The following RNF150 variants were observed in gnomAD, a reference collection of about 807,000 sequenced individuals.
The protein encoded by RNF150 is ring finger protein 150.
Under a neutral mutation model 39.3 loss-of-function variants are expected in RNF150, and 24 were observed. The ratio of observed to expected loss-of-function variants is 0.61; its 90% confidence interval spans 0.44 to 0.86. The LOEUF is 0.86. RNF150 is among the 40% of genes least tolerant of loss of function. RNF150 has a pLI of 0.00. For missense variants in RNF150, 502 were observed against 587.8 expected, an observed-to-expected ratio of 0.85 and a Z score of 1.51; for synonymous variants, 255 against 227.3, an observed-to-expected ratio of 1.12 and a Z score of -1.10.
chr4:141,054,218 G>A (rs534992423), intron 1 of RNF150, among the ~76,000 whole-genome samples: 73 of 152,012 alleles, frequency 4.8e-4, no homozygotes, highest in African/African-American at 1.6e-3. Flanking sequence ...TATAGTTATC[G>A]CTAGTACTTA....
At chr4:140,962,697 G>A (rs909194260) in intron 2 of RNF150, among the ~76,000 whole-genome samples, 1 of 151,908 alleles carries the variant, frequency 6.6e-6, no homozygotes, top group Non-Finnish European at 1.5e-5. Flanking sequence ...CATTCATTGA[G>A]TGCTGACTGA....
intron 1 of RNF150, among the ~76,000 whole-genome samples, chr4:141,198,546 G>C (rs1728241794): frequency 6.6e-6 from 1 of 152,214 alleles, no homozygotes; most frequent in South Asian, 2.1e-4. Flanking sequence ...CAAGGAGCTT[G>C]AGAAAGTTGA....
At chr4:140,873,955 C>T (rs953444437) in intron 6 of RNF150, among the ~76,000 whole-genome samples, 4 of 152,152 alleles carry the variant, frequency 2.6e-5, no homozygotes, top group Admixed American at 2.6e-4. Context: ...CATGAGCCAC[C>T]ATGCCCGGCC....
chr4:141,002,340 G>C (rs1047579748), intron 1 of RNF150, among the ~76,000 whole-genome samples: 14 of 152,038 alleles, frequency 9.2e-5, no homozygotes, highest in African/African-American at 3.4e-4. Flanking sequence ...TCCTACCAGA[G>C]TTCTATCAAC....
intron 6 of RNF150, among the ~76,000 whole-genome samples, chr4:140,887,625 C>G (rs147417479): frequency 6.6e-6 from 1 of 152,250 alleles, no homozygotes; most frequent in East Asian, 1.9e-4. Context: ...ATCCCTACTG[C>G]TTGTACAAGT....
chr4:140,880,639 GTTT>G (rs758690833), intron 6 of RNF150, among the ~76,000 whole-genome samples: 10 of 149,898 alleles, frequency 6.7e-5, no homozygotes, highest in South Asian at 2.1e-4. Flanking sequence ...CTGGTCCTGG[GTTT>G]TTTTTTGTTT....
At chr4:141,010,194 A>G (rs1363170584) in intron 1 of RNF150, among the ~76,000 whole-genome samples, 1 of 152,220 alleles carries the variant, frequency 6.6e-6, no homozygotes, top group Non-Finnish European at 1.5e-5. Flanking sequence ...ACCTGCCTTT[A>G]TTATGAAAAT....
At chr4:140,977,766 C>A (rs917327627) in intron 1 of RNF150, among the ~76,000 whole-genome samples, 1 of 152,088 alleles carries the variant, frequency 6.6e-6, no homozygotes, top group African/African-American at 2.4e-5. Context: ...TCGCCATTAG[C>A]GTTTTCATAC....
chr4:141,210,630 T>A (rs947425853), intron 1 of RNF150, among the ~76,000 whole-genome samples: 1 of 152,180 alleles, frequency 6.6e-6, no homozygotes, highest in Non-Finnish European at 1.5e-5. Flanking sequence ...ACATTGTTTT[T>A]CATTTGGCCC....
intron 1 of RNF150, among the ~76,000 whole-genome samples, chr4:141,147,994 G>A (rs993857211): frequency 1.2e-4 from 19 of 152,170 alleles, no homozygotes; most frequent in African/African-American, 4.1e-4. Flanking sequence ...ATATTGGTTG[G>A]TAACATCCTT....
chr4:141,163,143 T>C (rs564447608), intron 1 of RNF150, among the ~76,000 whole-genome samples: 150 of 152,276 alleles, frequency 9.9e-4, no homozygotes, highest in Non-Finnish European at 1.9e-3. Context: ...TTACTAAGGC[T>C]TGAGTAGGCG....
At chr4:140,902,658 T>C (rs1195422279) in intron 6 of RNF150, among the ~76,000 whole-genome samples, 1 of 152,232 alleles carries the variant, frequency 6.6e-6, no homozygotes, top group Middle Eastern at 3.2e-3. Flanking sequence ...ATCATAGCTA[T>C]TATTGTTAAA....
At position 141,173,420 on chromosome 4, in the gene RNF150, A is replaced by G. The variant is rs1183773154; in HGVS notation, c.-6+39374T>C. Among the ~76,000 whole-genome samples the G allele has an allele frequency of 3.3e-5, 5 of 152,224 alleles. No homozygotes were observed. The East Asian group carries it at 5.8e-4, about 18-fold the overall frequency. On this transcript the variant is annotated intron_variant, in intron 1 of 7. Coordinates refer to the RNF150 transcript ENST00000420921. The stretch of plus-strand genomic sequence containing the variant: ...GATGAGCATTGTGTACTTCACTAAC[A>G]TTATTTCAAACATTCCCCACAACAA...
intron 1 of RNF150, among the ~76,000 whole-genome samples, chr4:141,161,676 C>T (rs1438056394): frequency 6.6e-6 from 1 of 152,216 alleles, no homozygotes; most frequent in African/African-American, 2.4e-5. Context: ...GGCCCAGGGC[C>T]CCAGTGTCCT....
intron 1 of RNF150, among the ~76,000 whole-genome samples, chr4:141,023,297 G>C (rs1441303494): frequency 6.6e-6 from 1 of 152,106 alleles, no homozygotes; most frequent in Non-Finnish European, 1.5e-5. Context: ...CCAGGCTGAA[G>C]TGCAGTTGTG....
chr4:140,987,612 A>C (rs1041580655), intron 1 of RNF150, among the ~76,000 whole-genome samples: 3 of 152,154 alleles, frequency 2.0e-5, no homozygotes, highest in Admixed American at 1.3e-4. Context: ...ACAAAAATTA[A>C]CTCAAGATAG....
At position 140,859,935 on chromosome 4, in the gene RNF150, G is replaced by A. The variant is rs1452252248; in HGVS notation, c.*8326C>T. 6.6e-6 allele frequency: 1 copy of A among 152,012 alleles called. No homozygotes were observed. Among genetic ancestry groups the A allele is most frequent in the Non-Finnish European group, 1.5e-5 (1 of 68,022 alleles). 9.4% of individuals were successfully genotyped at this position (152,012 alleles called of 1,614,324 possible). ...TTTTTTAGCCAGTACGTAAGAACAC[G>A]ATTGCACTTATTTACATGATAGTCT... On this transcript the variant is annotated 3_prime_UTR_variant, in exon 7 of 7. Transcript: ENST00000515673.
intron 1 of RNF150, among the ~76,000 whole-genome samples, chr4:141,103,179 G>A (rs578218738): frequency 7.7e-4 from 117 of 152,232 alleles, no homozygotes; most frequent in African/African-American, 2.3e-3. Context: ...GCTAGAAACC[G>A]TTCTTCAATA....
chr4:141,050,913 C>G (rs1482563477), intron 1 of RNF150, among the ~76,000 whole-genome samples: 1 of 152,188 alleles, frequency 6.6e-6, no homozygotes, highest in Admixed American at 6.5e-5. Context: ...GGCTCCAACC[C>G]CACATTTCCC....
Sources: allele counts gnomAD v4.1 joint callset (sites outside exome capture counted in the v4.1 genomes callset), GRCh38; gene constraint gnomAD v4.1.1; transcripts MANE v1.5; gene names NCBI Gene and HGNC (gene_info 2026-07-23, HGNC 2026-07-21).